The following LYST variants were observed in gnomAD, a reference collection of about 807,000 sequenced individuals.
The protein encoded by LYST is lysosomal-trafficking regulator.
LYST carries 192 observed loss-of-function variants against 413.6 expected under a neutral mutation model. That is an observed-to-expected ratio of 0.46 (90% CI 0.41 to 0.52). LYST has a LOEUF of 0.52. Among genes scored for constraint, LYST ranks in the 20% least tolerant of loss-of-function variants. LYST has a pLI of 0.00. For missense variants in LYST, 3,815 were observed against 4,499.9 expected (o/e 0.85, Z 4.35); for synonymous variants, 1,525 against 1,567.3 (o/e 0.97, Z 0.64).
chr1:235,860,453 T>A lies in LYST; in HGVS notation c.-98+6390A>T, dbSNP rs767284805. ...ATAACATGTAGCTACCACTGTAGTA[T>A]CTTCAGAATAGTTTCACCGCCCTAA... On this transcript the variant is annotated intron_variant, in intron 1 of 52. Coordinates refer to ENST00000389793, the MANE Select transcript of LYST (RefSeq NM_000081.4). Among the ~76,000 whole-genome samples the A allele has an allele frequency of 5.3e-5, 8 of 152,210 alleles. No individual in the cohort carries two copies. In the South Asian group the frequency reaches 8.3e-4, roughly 16 times the overall value.
chr1:235,766,052 T>TGATA (rs762838397), intron 21 of LYST, 27 bp downstream of exon 21: 2 of 1,531,726 alleles, frequency 1.3e-6, no homozygotes, highest in Non-Finnish European at 1.8e-6. Flanking sequence ...GAAATAGCCA[T>TGATA]GATCTAACAA....
At chr1:235,707,468 C>T (rs1321775314) in intron 44 of LYST, among the ~76,000 whole-genome samples, 1 of 151,846 alleles carries the variant, frequency 6.6e-6, no homozygotes, top group Non-Finnish European at 1.5e-5. Flanking sequence ...ACTAAAAATA[C>T]AAAAATTAGC....
upstream of LYST, chr1:235,883,644 CT>C (rs1681469863): frequency 6.6e-6 from 1 of 152,532 alleles, no homozygotes; most frequent in African/African-American, 2.4e-5. Flanking sequence ...CCTTGCGTTG[CT>C]TTTTCGTTTG....
At chr1:235,848,528 A>G (rs747236869) in intron 1 of LYST, among the ~76,000 whole-genome samples, 1 of 152,174 alleles carries the variant, frequency 6.6e-6, no homozygotes, top group Non-Finnish European at 1.5e-5. Flanking sequence ...CCAAGATCAG[A>G]GCAAAACTAA....
chr1:235,668,245 T>C (rs1169727511), intron 50 of LYST, among the ~76,000 whole-genome samples: 1 of 152,122 alleles, frequency 6.6e-6, no homozygotes, highest in Non-Finnish European at 1.5e-5. Context: ...TTGGATGATA[T>C]CCAATAAATA....
intron 31 of LYST, chr1:235,738,832 G>A: frequency 3.8e-6 from 3 of 781,954 alleles, no homozygotes; most frequent in Non-Finnish European, 2.4e-6. Context: ...ACCATGATTG[G>A]TGGAATAAAG....
rs1279429327 is a variant in LYST, at chr1:235,809,546, G to C, written c.1272C>G (p.Phe424Leu). Residue 424 changes from phenylalanine to leucine, a missense_variant, in exon 5 of 53, where the codon TTC becomes TTG. By Grantham distance (22) the Phe-to-Leu change is conservative. This residue lies in a region of LYST where 1,648 missense variants were observed against 1,810.3 expected (regional missense o/e 0.91). Transcript: ENST00000389793. This position sits in a 1 kb window ranked among gnomAD's most constrained non-coding sequence, Gnocchi z 4.0. The part of the protein sequence containing the change: ...CCLQSAASNP[F>L]YFSQAMDLVQ... ...CCAAATCCATGGCTTGACTGAAGTA[G>C]AAGGGATTTGAAGCTGCACTTTGAA... 3 of 1,614,022 alleles carry C rather than the reference G, an allele frequency of 1.9e-6. No homozygotes were observed. In the South Asian group the frequency reaches 3.3e-5, roughly 18 times the overall value.
chr1:235,786,601 T>C (rs1670437854), intron 14 of LYST, among the ~76,000 whole-genome samples: 1 of 152,078 alleles, frequency 6.6e-6, no homozygotes, highest in South Asian at 2.1e-4. Flanking sequence ...CATGCACATG[T>C]ATGTTTATTG....
chr1:235,677,715 T>C, intron 48 of LYST, 96 bp from the exon 49 acceptor site: 1 of 917,514 alleles, frequency 1.1e-6, no homozygotes, highest in Non-Finnish European at 1.8e-6. Context: ...ACTCAAATGG[T>C]CTTCTCAAAC....
intron 17 of LYST, 149 bp from the exon 18 acceptor site, chr1:235,775,235 G>A (rs1233316754): frequency 1.5e-6 from 1 of 671,406 alleles, no homozygotes; most frequent in Non-Finnish European, 2.6e-6. Flanking sequence ...TAAGGCTTGT[G>A]AATAAACAAA....
intron 21 of LYST, among the ~76,000 whole-genome samples, chr1:235,765,102 C>T (rs1668000933): frequency 6.6e-6 from 1 of 152,124 alleles, no homozygotes; most frequent in South Asian, 2.1e-4. Context: ...GTGGACAGCT[C>T]CTTATAACCT....
intron 23 of LYST, among the ~76,000 whole-genome samples, chr1:235,758,129 A>T (rs938204505): frequency 2.0e-5 from 3 of 152,306 alleles, no homozygotes; most frequent in African/African-American, 7.2e-5. Flanking sequence ...GATTTTTTTC[A>T]TAAAAGGAAT....
intron 1 of LYST, among the ~76,000 whole-genome samples, chr1:235,861,839 T>C (rs889936742): frequency 6.6e-6 from 1 of 152,200 alleles, no homozygotes; most frequent in Non-Finnish European, 1.5e-5. Flanking sequence ...GCAAATTCTA[T>C]TGCTACAAAT....
intron 26 of LYST, among the ~76,000 whole-genome samples, 182 bp downstream of exon 26, chr1:235,752,862 T>C (rs1297307380): frequency 6.6e-6 from 1 of 151,980 alleles, no homozygotes; most frequent in Non-Finnish European, 1.5e-5. Context: ...GTAAATACAA[T>C]TTCTTGCTTT....
chr1:235,710,355 A>ATG (rs3841835), intron 43 of LYST, among the ~76,000 whole-genome samples: 2 of 152,304 alleles, frequency 1.3e-5, no homozygotes, highest in East Asian at 3.9e-4. Flanking sequence ...GCAGAACTCC[A>ATG]TGTGTGTGGC....
intron 52 of LYST, 85 bp from the exon 53 acceptor site, chr1:235,663,163 A>G (rs1395279496): frequency 3.2e-6 from 3 of 943,968 alleles, no homozygotes; most frequent in Non-Finnish European, 3.4e-6. Flanking sequence ...AGGTTAGTGT[A>G]AAGAAGTTAT....
At chr1:235,815,262 C>T (rs1673930036) in intron 3 of LYST, among the ~76,000 whole-genome samples, 1 of 152,290 alleles carries the variant, frequency 6.6e-6, no homozygotes, top group Non-Finnish European at 1.5e-5. Context: ...ACACAATATC[C>T]ATATCCTCAT....
At chr1:235,690,915 CTT>C (rs138162439) in intron 47 of LYST, among the ~76,000 whole-genome samples, 56 of 145,504 alleles carry the variant, frequency 3.8e-4, no homozygotes, top group Middle Eastern at 3.5e-3. Flanking sequence ...TTACAAGTTT[CTT>C]TTTTTTTTTT....
chr1:235,758,850 G>A, intron 23 of LYST, 122 bp downstream of exon 23: 1 of 820,728 alleles, frequency 1.2e-6, no homozygotes, highest in South Asian at 1.5e-5. Flanking sequence ...TGTATATAAA[G>A]AAATAAACTT....
Sources: gnomAD v4.1 joint callset for allele counts (sites outside exome capture counted in the v4.1 genomes callset) on GRCh38, gnomAD v4.1.1 for gene constraint, gnomAD v4.1.1 regional missense constraint, Gnocchi (gnomAD v3.1) non-coding constraint, MANE v1.5 for transcripts, NCBI Gene and HGNC (gene_info 2026-07-23, HGNC 2026-07-21) for gene names.